Variants in LHFPL3 observed in about 807,000 individuals in gnomAD.
LHFPL3 encodes the protein LHFPL tetraspan subfamily member 3.
In LHFPL3, 5 loss-of-function variants were observed where a neutral mutation model predicts 19.3. That is an observed-to-expected ratio of 0.26 (90% CI 0.14 to 0.54). The LOEUF is 0.54. LHFPL3 is among the 20% of genes least tolerant of loss of function. The pLI is 0.94. For synonymous variants in LHFPL3, 133 were observed against 126.2 expected (o/e 1.05, Z -0.36); for missense variants, 249 against 307.4 (o/e 0.81, Z 1.42).
intron 1 of LHFPL3, among the ~76,000 whole-genome samples, chr7:104,423,874 T>G (rs182700447): frequency 2.8e-4 from 43 of 152,200 alleles, no homozygotes; most frequent in African/African-American, 9.9e-4. Flanking sequence ...AAAACCAGGC[T>G]TGTTCAGGAA....
chr7:104,546,650 T>C (rs1584393090), intron 1 of LHFPL3, among the ~76,000 whole-genome samples: 1 of 152,268 alleles, frequency 6.6e-6, no homozygotes, highest in Middle Eastern at 3.4e-3. Context: ...AATTAAAGAG[T>C]CACTGTAGCT....
chr7:104,577,297 T>C (rs1351473143), intron 1 of LHFPL3, among the ~76,000 whole-genome samples: 1 of 151,934 alleles, frequency 6.6e-6, no homozygotes, highest in Non-Finnish European at 1.5e-5. Flanking sequence ...AATAGGGGCG[T>C]GTGGAGAAGC....
At chr7:104,569,779 C>T (rs1355483030) in intron 1 of LHFPL3, among the ~76,000 whole-genome samples, 2 of 152,156 alleles carry the variant, frequency 1.3e-5, no homozygotes, top group Non-Finnish European at 2.9e-5. Flanking sequence ...GAACACAAAA[C>T]TGGGACTTAG....
chr7:104,343,729 G>A (rs953836622), intron 1 of LHFPL3, among the ~76,000 whole-genome samples: 5 of 31,520 alleles, frequency 1.6e-4, no homozygotes, highest in South Asian at 1.0e-3. Flanking sequence ...TATGGCTTGC[G>A]TGTGTGTGTG....
At chr7:104,582,610 T>A (rs1790480364) in intron 1 of LHFPL3, among the ~76,000 whole-genome samples, 1 of 152,046 alleles carries the variant, frequency 6.6e-6, no homozygotes, top group East Asian at 1.9e-4. Flanking sequence ...CTAGGTTAAG[T>A]AACTTCCTTT....
chr7:104,667,632 T>A, intron 1 of LHFPL3: 1 of 747,282 alleles, frequency 1.3e-6, no homozygotes, highest in East Asian at 2.7e-5. Flanking sequence ...TGTACAACAT[T>A]GAACTTGAAA....
chr7:104,562,393 T>C (rs1416861951), intron 1 of LHFPL3, among the ~76,000 whole-genome samples: 2 of 152,186 alleles, frequency 1.3e-5, no homozygotes, highest in African/African-American at 4.8e-5. Flanking sequence ...TTTTTATTCT[T>C]TTTTCTCTAG....
chr7:104,668,727 C>CA (rs993356118), intron 1 of LHFPL3: 16 of 1,585,746 alleles, frequency 1.0e-5, no homozygotes, highest in Middle Eastern at 3.9e-4. Context: ...TCCCCCCCCC[C>CA]CCAAAGACCC....
intron 2 of LHFPL3, among the ~76,000 whole-genome samples, chr7:104,853,117 GAC>G (rs1165952703): frequency 6.6e-6 from 1 of 152,220 alleles, no homozygotes; most frequent in Non-Finnish European, 1.5e-5. Flanking sequence ...GTGGACAGTG[GAC>G]AGAGTCCAGA....
At chr7:104,614,680 C>CTTCTTTCTTTCTTTCT (rs60085377) in intron 1 of LHFPL3, among the ~76,000 whole-genome samples, 2 of 94,494 alleles carry the variant, frequency 2.1e-5, no homozygotes, top group Admixed American at 1.1e-4. Context: ...TCCTTCCTTC[C>CTTCTTTCTTTCTTTCT]TTCTTTCTTT....
At chr7:104,476,068 T>C (rs2115636035) in intron 1 of LHFPL3, among the ~76,000 whole-genome samples, 1 of 152,320 alleles carries the variant, frequency 6.6e-6, no homozygotes, top group Admixed American at 6.5e-5. Flanking sequence ...TATTTGTTTA[T>C]TGTTGGAAAC....
At chr7:104,904,470 G>T (rs1792557917) in intron 2 of LHFPL3, among the ~76,000 whole-genome samples, 1 of 152,134 alleles carries the variant, frequency 6.6e-6, no homozygotes, top group Non-Finnish European at 1.5e-5. Context: ...GGCCAACATG[G>T]CAAAACCCTG....
intron 1 of LHFPL3, among the ~76,000 whole-genome samples, chr7:104,379,070 G>C (rs1196777767): frequency 3.3e-5 from 5 of 152,184 alleles, no homozygotes; most frequent in African/African-American, 1.2e-4. Flanking sequence ...CATATAAGGT[G>C]AGAGTTCTGA....
chr7:104,818,667 TGA>T (rs1403071798), intron 2 of LHFPL3, among the ~76,000 whole-genome samples: 1 of 152,158 alleles, frequency 6.6e-6, no homozygotes, highest in Non-Finnish European at 1.5e-5. Flanking sequence ...TCAAAAGTAC[TGA>T]GAGAGGGGAA....
intron 2 of LHFPL3, among the ~76,000 whole-genome samples, chr7:104,751,199 G>A (rs560965652): frequency 8.6e-5 from 9 of 104,394 alleles, no homozygotes; most frequent in African/African-American, 2.8e-4. Context: ...TCCTTTTAAT[G>A]GCTTAATGGC....
At chr7:104,889,284 G>A (rs1301203897) in intron 2 of LHFPL3, among the ~76,000 whole-genome samples, 1 of 152,246 alleles carries the variant, frequency 6.6e-6, no homozygotes, top group Non-Finnish European at 1.5e-5. Flanking sequence ...GAGAAGGGAT[G>A]AAGTGGGGTG....
chr7:104,670,946 A>T (rs1346422866), intron 1 of LHFPL3, among the ~76,000 whole-genome samples: 1 of 151,894 alleles, frequency 6.6e-6, no homozygotes, highest in African/African-American at 2.4e-5. Flanking sequence ...TTTCTCTTGC[A>T]ACACAGTAGC....
chr7:104,603,076 TTCTTTCTTTC>T (rs1255739240), intron 1 of LHFPL3, among the ~76,000 whole-genome samples: 1 of 85,544 alleles, frequency 1.2e-5, no homozygotes, highest in Non-Finnish European at 2.4e-5. Flanking sequence ...TTTTCTTTCT[TTCTTTCTTTC>T]TTTCTTTCTT....
intron 1 of LHFPL3, among the ~76,000 whole-genome samples, chr7:104,467,085 TAC>T (rs71519179): frequency 1.1e-3 from 171 of 152,184 alleles, no homozygotes; most frequent in African/African-American, 3.9e-3. Flanking sequence ...ATTTATTTTT[TAC>T]TCCTTTACTT....
Sources: allele counts gnomAD v4.1 joint callset (sites outside exome capture counted in the v4.1 genomes callset), GRCh38; gene constraint gnomAD v4.1.1; transcripts MANE v1.5; gene names NCBI Gene and HGNC (gene_info 2026-07-23, HGNC 2026-07-21).